Variants in PLEKHG5 observed in about 807,000 individuals in gnomAD.
The protein encoded by PLEKHG5 is pleckstrin homology domain-containing family G member 5.
PLEKHG5 carries 52 observed loss-of-function variants against 103.8 expected under a neutral mutation model. The ratio of observed to expected loss-of-function variants is 0.50; its 90% CI spans 0.40 to 0.63. The LOEUF (loss-of-function observed/expected upper bound fraction) is 0.63. Ranked by LOEUF, PLEKHG5 falls within the 30% of genes least tolerant of loss-of-function variation. The pLI is 0.00. For synonymous variants in PLEKHG5, 592 were observed against 575.5 expected, an observed-to-expected ratio of 1.03 and a Z score of -0.41; for missense variants, 1,205 against 1,347.6, an observed-to-expected ratio of 0.89 and a Z score of 1.66.
chr1:6,500,893 C>G (rs925948008), upstream of PLEKHG5, among the ~76,000 whole-genome samples: 1 of 152,190 alleles, frequency 6.6e-6, no homozygotes, highest in East Asian at 1.9e-4. Flanking sequence ...AGTTCTCCCC[C>G]GACCCTGTCT....
At chr1:6,512,816 C>A (rs1218452464) in intron 1 of PLEKHG5, among the ~76,000 whole-genome samples, 1 of 152,210 alleles carries the variant, frequency 6.6e-6, no homozygotes, top group African/African-American at 2.4e-5. Context: ...CAGCTCCTGC[C>A]GGCTGTGCCA....
intron 5 of PLEKHG5, 47 bp from the exon 6 acceptor site, chr1:6,474,634 C>A (rs537563793): frequency 5.0e-5 from 80 of 1,606,158 alleles, no homozygotes; most frequent in Admixed American, 8.4e-5. Flanking sequence ...GGCGGCCAGT[C>A]GCTTCAGCTT....
rs1224270266 is a variant in PLEKHG5, at chr1:6,473,382, TG to T, written c.663del (p.Thr222ArgfsTer46). 1.3e-6 allele frequency: 2 copies of T among 1,547,578 alleles called. No individual in the cohort carries two copies. Among genetic ancestry groups the T allele is most frequent in the Non-Finnish European group, 1.7e-6 (2 of 1,145,652 alleles). ...GEASIPGQEPPTPSSCSLPSG... is the reference protein window; with the variant it reads ...GEASIPGQEPXTPSSCSLPSG... ...CTGGGCAGAGAGCAGCTGGAGGGCG[TG>T]GGGGGCTCCTGCCCGGGGATGCTCG... On this transcript the variant is annotated frameshift_variant, in exon 8 of 21. Transcript: ENST00000377728. LOFTEE classifies it high-confidence loss of function.
intron 1 of PLEKHG5, among the ~76,000 whole-genome samples, chr1:6,502,149 A>C (rs1354748843): frequency 3.3e-5 from 5 of 152,264 alleles, no homozygotes; most frequent in Non-Finnish European, 7.3e-5. Context: ...ATTTGTCCCA[A>C]ACCTGGCCAA....
chr1:6,511,220 G>A (rs955096570), intron 1 of PLEKHG5, among the ~76,000 whole-genome samples: 35 of 152,278 alleles, frequency 2.3e-4, no homozygotes, highest in African/African-American at 7.2e-4. Flanking sequence ...TGGCCAGCCC[G>A]TCCTTGAGCT....
At chr1:6,497,247 C>G (rs1645240451), upstream of PLEKHG5, 2 of 883,720 alleles carry the variant, frequency 2.3e-6, no homozygotes, top group South Asian at 1.4e-5. The surrounding 1 kb of genome is among the most constrained non-coding windows in gnomAD (Gnocchi z 6.1). Flanking sequence ...GGGCCCTCCC[C>G]GGAGGAGGTT....
chr1:6,489,905 G>T (rs1645114959), intron 1 of PLEKHG5, among the ~76,000 whole-genome samples: 1 of 152,192 alleles, frequency 6.6e-6, no homozygotes, highest in Admixed American at 6.5e-5. Flanking sequence ...GGAATCTGCA[G>T]GGGACCTCTT....
exon 1 of PLEKHG5, chr1:6,519,647 A>T: frequency 1.4e-6 from 1 of 728,146 alleles, no homozygotes; most frequent in South Asian, 1.5e-5. Flanking sequence ...CTTCTCCCCG[A>T]CTCAGCCCCA....
At chr1:6,518,429 G>A (rs375975938) in intron 1 of PLEKHG5, among the ~76,000 whole-genome samples, 2 of 151,140 alleles carry the variant, frequency 1.3e-5, no homozygotes, top group Non-Finnish European at 2.9e-5. Context: ...GCTTGATGGC[G>A]CATGCCTGTA....
upstream of PLEKHG5, chr1:6,496,548 T>G (rs1557765826): frequency 6.3e-7 from 1 of 1,587,276 alleles, no homozygotes; most frequent in Non-Finnish European, 8.6e-7. Context: ...CAGTCCCTTC[T>G]TTTCAGCGGG....
chr1:6,497,470 C>T (rs1013814608), upstream of PLEKHG5: 28 of 244,170 alleles, frequency 1.1e-4, no homozygotes, highest in Non-Finnish European at 1.7e-4. This position sits in a 1 kb window ranked among gnomAD's most constrained non-coding sequence, Gnocchi z 6.1. Flanking sequence ...GCGGCGGCCC[C>T]GCCTCGGGGG....
In PLEKHG5 at chr1:6,471,623, G is replaced by T; in HGVS notation, c.1146C>A (p.Arg382=). Reference sequence around the variant, plus strand: ...CGATCTCCGGGATGTTGCTGAACAGGCGCTCCGCCTCCACCTGGGCGCGGC... The same window carrying T: ...CGATCTCCGGGATGTTGCTGAACAGTCGCTCCGCCTCCACCTGGGCGCGGC... ...SGLLCEVEAE[R]LFSNIPEIAQ... Residue 382 remains arginine (R), a synonymous_variant, in exon 12 of 21, where the codon CGC becomes CGA. Coordinates refer to ENST00000377728, the MANE Select transcript of PLEKHG5 (RefSeq NM_020631.6). 1 of 1,589,852 alleles carries T rather than the reference G, an allele frequency of 6.3e-7. No homozygotes were observed.
intron 1 of PLEKHG5, among the ~76,000 whole-genome samples, chr1:6,479,065 AC>A (rs1644835223): frequency 6.6e-6 from 1 of 151,884 alleles, no homozygotes; most frequent in East Asian, 1.9e-4. Context: ...TCTTCTCGGC[AC>A]CCCCCTCCCC....
chr1:6,467,510 G>A lies in PLEKHG5; in HGVS notation c.*53C>T. 1 of 1,582,974 alleles carries A rather than the reference G, an allele frequency of 6.3e-7. No individual in the cohort carries two copies. The highest frequency in any genetic ancestry group is 1.1e-5 in the South Asian group (1 of 90,472). ...AGCAGGTGCCGGCACGCCCCAGGAG[G>A]CAGGCTGTCTGCTGTCTCTTGGTCA... On this transcript the variant is annotated 3_prime_UTR_variant, in exon 21 of 21. Transcript: ENST00000377728.
intron 4 of PLEKHG5, 86 bp from the exon 5 acceptor site, chr1:6,475,224 C>T: frequency 1.4e-6 from 1 of 721,876 alleles, no homozygotes; most frequent in Non-Finnish European, 2.4e-6. Flanking sequence ...TCCCACCCTC[C>T]TTCCCAACCC....
upstream of PLEKHG5, among the ~76,000 whole-genome samples, chr1:6,501,169 G>A (rs886713560): frequency 7.9e-5 from 12 of 152,064 alleles, no homozygotes; most frequent in African/African-American, 2.2e-4. The surrounding 1 kb of genome is among the most constrained non-coding windows in gnomAD (Gnocchi z 4.3). Context: ...TGTCTGCCTC[G>A]GATCAGCACA....
intron 1 of PLEKHG5, among the ~76,000 whole-genome samples, chr1:6,507,897 C>T (rs946565529): frequency 6.6e-6 from 1 of 152,170 alleles, no homozygotes; most frequent in Admixed American, 6.5e-5. Flanking sequence ...TGGCAAGTGG[C>T]CTGCCTGGGG....
chr1:6,476,181 CTCAG>C lies in PLEKHG5; in HGVS notation c.44-149_44-146del. ...CCCTTCAGTTCTGTGAGGAGAGGGG[CTCAG>C]TCATTGTTTTTTGTTTTTGTTTTGA... On this transcript the variant is annotated intron_variant, in intron 2 of 20. Transcript: ENST00000377728. 1.1e-5 allele frequency: 8 copies of C among 725,432 alleles called. No individual in the cohort carries two copies. The South Asian group carries it at 1.2e-4, about 11-fold the overall frequency. The allele number at this position is 725,432 out of a possible 1,614,324, so 44.9% of individuals were successfully genotyped here.
In PLEKHG5 at chr1:6,467,928, G is replaced by A. The variant is rs373021205; in HGVS notation, c.2908C>T (p.Pro970Ser). Residue 970 changes from proline to serine, a missense_variant, in exon 20 of 21, where the codon CCT (proline) becomes TCT (serine). Physicochemically the swap from Pro to Ser is moderately conservative, Grantham distance 74 (BLOSUM62 -1). Transcript: ENST00000377728. ...GCAGAGACCCCTGGTGGGGGCTCAG[G>A]CTGGACCCTGGGAGAGGCCCCCGAG... ...LPSGASPRVQPEPPPGVSAQH... is the reference protein window; with the variant it reads ...LPSGASPRVQSEPPPGVSAQH... 7 of 1,590,932 alleles carry A rather than the reference G, an allele frequency of 4.4e-6. No homozygotes were observed. Among genetic ancestry groups the A allele is most frequent in the Non-Finnish European group, 6.0e-6 (7 of 1,169,978 alleles).
Sources: allele counts gnomAD v4.1 joint callset (sites outside exome capture counted in the v4.1 genomes callset), GRCh38; gene constraint gnomAD v4.1.1; non-coding constraint Gnocchi (gnomAD v3.1); transcripts MANE v1.5; gene names NCBI Gene and HGNC (gene_info 2026-07-23, HGNC 2026-07-21).